LMNB2: variants seen among roughly 807,000 people sequenced by gnomAD.
LMNB2 encodes lamin-B2.
Under a neutral mutation model 69.3 loss-of-function variants are expected in LMNB2, and 17 were observed. The ratio of observed to expected loss-of-function variants is 0.25; its 90% CI spans 0.17 to 0.37. The LOEUF is 0.37. LMNB2 is among the 10% of genes least tolerant of loss of function. The pLI, the probability that LMNB2 is intolerant of heterozygous loss-of-function variation, is 1.00. For synonymous variants in LMNB2, 397 were observed against 389.3 expected, an observed-to-expected ratio of 1.02 and a Z score of -0.23; for missense variants, 789 against 883.6, an observed-to-expected ratio of 0.89 and a Z score of 1.36.
chr19:2,441,429 C>G (rs979605187), intron 2 of LMNB2, among the ~76,000 whole-genome samples: 1 of 152,258 alleles, frequency 6.6e-6, no homozygotes, highest in Admixed American at 6.5e-5. Flanking sequence ...ACACTAAGCT[C>G]TACTTCCCCA....
In LMNB2 at chr19:2,434,839, G is replaced by T; in HGVS notation, c.930C>A (p.Ala310=). The T allele has an allele frequency of 6.2e-7, 1 of 1,608,986 alleles. No homozygotes were observed. The change falls in exon 6 of 12, where the codon GCC becomes GCA. Residue 310 remains alanine, a synonymous_variant. Coordinates refer to ENST00000325327, the MANE Select transcript of LMNB2 (RefSeq NM_032737.4). ...ASAAREELKE[A]RMRLESLSYQ... Reference sequence around the variant, plus strand: ...AGCTGAGGGACTCCAGGCGCATGCGGGCCTCCTTCAGCTCCTCGCGAGCCG... The same window carrying T: ...AGCTGAGGGACTCCAGGCGCATGCGTGCCTCCTTCAGCTCCTCGCGAGCCG...
intron 2 of LMNB2, among the ~76,000 whole-genome samples, chr19:2,444,109 T>G (rs1971927502): frequency 6.6e-6 from 1 of 152,122 alleles, no homozygotes; most frequent in South Asian, 2.1e-4. Context: ...GTGTGCACAC[T>G]AAGGAGACAG....
chr19:2,448,338 G>A (rs1475569907), intron 1 of LMNB2, among the ~76,000 whole-genome samples: 2 of 152,164 alleles, frequency 1.3e-5, no homozygotes, highest in Non-Finnish European at 2.9e-5. Context: ...GGTCACACAC[G>A]AGCTCTCCTG....
At chr19:2,438,874 C>T (rs1044641047) in intron 2 of LMNB2, among the ~76,000 whole-genome samples, 1 of 152,088 alleles carries the variant, frequency 6.6e-6, no homozygotes, top group Admixed American at 6.6e-5. Context: ...AGACCCTGGC[C>T]TTTGAAGGGT....
At chr19:2,432,050 C>G in intron 9 of LMNB2, 148 bp from the exon 10 acceptor site, 4 of 1,068,262 alleles carry the variant, frequency 3.7e-6, no homozygotes, top group Non-Finnish European at 5.3e-6. Context: ...GGTGATGGTC[C>G]CCAGGATACA....
At chr19:2,449,055 T>C (rs754028370) in intron 1 of LMNB2, among the ~76,000 whole-genome samples, 1 of 152,202 alleles carries the variant, frequency 6.6e-6, no homozygotes, top group African/African-American at 2.4e-5. Context: ...TATGCCTGCC[T>C]AATTAGTTTC....
chr19:2,454,582 T>C (rs141970355), intron 1 of LMNB2, among the ~76,000 whole-genome samples: 331 of 152,142 alleles, frequency 2.2e-3, no homozygotes, highest in Non-Finnish European at 3.9e-3. Context: ...CTCCCAGAAA[T>C]GACCCGACCC....
In LMNB2 at chr19:2,438,357, G is replaced by A. The variant is rs758599561; in HGVS notation, c.558+18C>T. Reference sequence around the variant, plus strand: ...TGCATATACCCTGCTGGGGCGTCCCGTGGCTCCTGGCACCTACCTTGGCCA... The same window carrying A: ...TGCATATACCCTGCTGGGGCGTCCCATGGCTCCTGGCACCTACCTTGGCCA... On this transcript the variant is annotated intron_variant, in intron 3 of 11. Transcript: ENST00000325327. The A allele has an allele frequency of 1.4e-5, 23 of 1,613,080 alleles. No homozygotes were observed. The highest frequency in any genetic ancestry group is 5.3e-5 in the African/African-American group (4 of 74,938).
chr19:2,439,398 C>T (rs775383887), intron 2 of LMNB2, among the ~76,000 whole-genome samples: 18 of 152,112 alleles, frequency 1.2e-4, no homozygotes, highest in South Asian at 2.1e-4. Context: ...GTGAGGACAT[C>T]CAGGGTTCCG....
chr19:2,442,701 T>C (rs1971911876), intron 2 of LMNB2, among the ~76,000 whole-genome samples: 1 of 152,090 alleles, frequency 6.6e-6, no homozygotes, highest in Non-Finnish European at 1.5e-5. Context: ...GAGCTATGAT[T>C]GTGCCACTGA....
chr19:2,447,158 A>C lies in LMNB2; in HGVS notation c.265-2618T>G, dbSNP rs1353660085. On this transcript the variant is annotated intron_variant, in intron 1 of 11. Transcript: ENST00000325327. This position sits in a 1 kb window ranked among gnomAD's most constrained non-coding sequence, Gnocchi z 4.4. ...GACTCAGTTTCAAAATAAATAAATAAATAAATAAAATGAAAAATAAAAATA... is the reference window on the plus strand; with the variant it reads ...GACTCAGTTTCAAAATAAATAAATACATAAATAAAATGAAAAATAAAAATA... 6.6e-6 allele frequency among the ~76,000 whole-genome samples: 1 copy of C among 151,456 alleles called. No individual in the cohort carries two copies. The highest frequency in any genetic ancestry group is 1.5e-5 in the Non-Finnish European group (1 of 67,938).
chr19:2,449,595 C>T (rs1446225936), intron 1 of LMNB2, among the ~76,000 whole-genome samples: 1 of 151,964 alleles, frequency 6.6e-6, no homozygotes, highest in Non-Finnish European at 1.5e-5. Context: ...GCCTGGCCAA[C>T]ATGGTGAAAC....
At chr19:2,432,178 A>T (rs1971748762) in intron 9 of LMNB2, among the ~76,000 whole-genome samples, 1 of 151,992 alleles carries the variant, frequency 6.6e-6, no homozygotes, top group African/African-American at 2.4e-5. Context: ...CTTCACGGGG[A>T]CGCCTGCCAG....
chr19:2,435,933 G>A (rs529948425), intron 4 of LMNB2, among the ~76,000 whole-genome samples: 3 of 152,176 alleles, frequency 2.0e-5, no homozygotes, highest in Non-Finnish European at 2.9e-5. Context: ...GGCAGATCAC[G>A]AGGTCAGGAG....
rs766156506 is a variant in LMNB2, at chr19:2,434,856, C to T, written c.913G>A (p.Glu305Lys). 2.5e-6 allele frequency: 4 copies of T among 1,607,860 alleles called. No individual in the cohort carries two copies. The highest frequency in any genetic ancestry group is 3.4e-6 in the Non-Finnish European group (4 of 1,179,216). ...CGCATGCGGGCCTCCTTCAGCTCCT[C>T]GCGAGCCGCACTGGCCGCCTTGTCG... ...QNDKAASAAREELKEARMRLE... is the reference protein window; with the variant it reads ...QNDKAASAARKELKEARMRLE... Residue 305 changes from glutamate to lysine, a missense_variant, in exon 6 of 12, where the codon GAG becomes AAG. Glu to Lys is a moderately conservative substitution (Grantham distance 56). Transcript: ENST00000325327.
Position 2,438,482 on chromosome 19 carries a change from C to G in LMNB2, c.451G>C (p.Asp151His), listed in dbSNP as rs771370902. The change falls in exon 3 of 12, where the codon GAC becomes CAC. Residue 151 changes from aspartate to histidine, a missense_variant. Around this residue, in one of 3 missense-constraint regions of LMNB2, gnomAD observed 145 missense variants for 228.9 expected, o/e 0.63. Coordinates refer to ENST00000325327, the MANE Select transcript of LMNB2 (RefSeq NM_032737.4). ...ELTVAQGRVKDLESLFHRSEV... is the reference protein window; with the variant it reads ...ELTVAQGRVKHLESLFHRSEV... ...CTCCGGTGGAACAGGGACTCCAGGTCCTTCACACGGCCCTGGGCCACCGTA... is the reference window on the plus strand; with the variant it reads ...CTCCGGTGGAACAGGGACTCCAGGTGCTTCACACGGCCCTGGGCCACCGTA... The G allele has an allele frequency of 6.2e-7, 1 of 1,611,712 alleles. No individual in the cohort carries two copies. Among genetic ancestry groups the G allele is most frequent in the Admixed American group, 1.7e-5 (1 of 59,978 alleles).
rs780040758 is a variant in LMNB2, at chr19:2,438,153, A to G, written c.684+10T>C. The G allele has an allele frequency of 1.2e-5, 19 of 1,613,578 alleles. No individual in the cohort carries two copies. The highest frequency in any genetic ancestry group is 1.6e-5 in the Non-Finnish European group (19 of 1,179,970). On this transcript the variant is annotated intron_variant, in intron 4 of 11. Transcript: ENST00000325327. ...GCTGTGCCAGGCTGGAGGCCAGGCCACTCACTCACCTCCTCGAACACACTC... is the reference window on the plus strand; with the variant it reads ...GCTGTGCCAGGCTGGAGGCCAGGCCGCTCACTCACCTCCTCGAACACACTC...
intron 4 of LMNB2, 75 bp from the exon 5 acceptor site, chr19:2,435,246 T>C (rs1971808610): frequency 1.3e-6 from 2 of 1,572,868 alleles, no homozygotes; most frequent in South Asian, 2.2e-5. Context: ...GGCTCAAAAA[T>C]GTGCCAAGAG....
In LMNB2 at chr19:2,434,013, C is replaced by T; in HGVS notation, c.1295G>A (p.Gly432Asp). 6.2e-7 allele frequency: 1 copy of T among 1,607,380 alleles called. No homozygotes were observed. The highest frequency in any genetic ancestry group is 8.5e-7 in the Non-Finnish European group (1 of 1,178,104). Residue 432 changes from glycine to aspartate, a missense_variant, in exon 8 of 12, where the codon GGC becomes GAC. Gly to Asp is a moderately conservative substitution (Grantham distance 94). This residue lies in a region of LMNB2 where 609 missense variants were observed against 630.9 expected (regional missense o/e 0.97). Transcript: ENST00000325327. Reference protein sequence around the residue: ...SGSLSATGRLGRSKRKRLEVE... With the variant: ...SGSLSATGRLDRSKRKRLEVE... ...CTCCAGCCGCTTCCGCTTACTGCGG[C>T]CCAGGCGCCCGGTGGCGGACAAGCT...
Sources: allele counts gnomAD v4.1 joint callset (sites outside exome capture counted in the v4.1 genomes callset), GRCh38; gene constraint gnomAD v4.1.1; regional missense constraint gnomAD v4.1.1; non-coding constraint Gnocchi (gnomAD v3.1); transcripts MANE v1.5; gene names NCBI Gene and HGNC (gene_info 2026-07-23, HGNC 2026-07-21).